The following CEP95 variants were observed in gnomAD, a reference collection of about 807,000 sequenced individuals.
The protein encoded by CEP95 is centrosomal protein 95.
Under a neutral mutation model 111.2 loss-of-function variants are expected in CEP95, and 98 were observed. The observed-to-expected ratio is 0.88, with a 90% CI of 0.75 to 1.04. The LOEUF is 1.04. Ranked by LOEUF, CEP95 falls within the 50% of genes least tolerant of loss-of-function variation. The pLI, the probability that CEP95 is intolerant of heterozygous loss-of-function variation, is 0.00. For missense variants in CEP95, 1,027 were observed against 977.2 expected (o/e 1.05, Z -0.68); for synonymous variants, 323 against 327.1 (o/e 0.99, Z 0.14).
intron 11 of CEP95, among the ~76,000 whole-genome samples, chr17:64,528,284 A>G (rs987362152): frequency 2.6e-5 from 4 of 152,016 alleles, no homozygotes; most frequent in African/African-American, 9.7e-5. Flanking sequence ...TTCTGATCCA[A>G]CTTCCTTAAC....
At position 64,510,224 on chromosome 17, in the gene CEP95, C is replaced by G. The variant is rs781985737; in HGVS notation, c.200C>G (p.Ala67Gly). Residue 67 changes from alanine (A) to glycine (G), a missense_variant, in exon 3 of 20, where the codon GCA becomes GGA. Ala to Gly is a moderately conservative substitution (Grantham distance 60). Transcript: ENST00000556440. ...GAAGATGATGCACACAATGTACAAG[C>G]AGTAATTGATTCACTGGCCTTGGAC... ...SQEDDAHNVQ[A>G]VIDSLALDYL... 6.2e-7 allele frequency: 1 copy of G among 1,611,956 alleles called. No individual in the cohort carries two copies. The highest frequency in any genetic ancestry group is 8.5e-7 in the Non-Finnish European group (1 of 1,178,902).
rs782687832 is a variant in CEP95, at chr17:64,537,714, G to A, written c.2401G>A (p.Ala801Thr). ...DDDVFFRELE[A>T]ERFRSRLQLA... is the part of the protein sequence containing the mutation. ...TGATGTTTTCTTCCGGGAACTGGAA[G>A]CTGAGCGCTTCAGATCTCGGCTTCA... The change falls in exon 20 of 20, where the codon GCT (alanine) becomes ACT (threonine). Residue 801 changes from alanine to threonine, a missense_variant. Coordinates refer to ENST00000556440, the MANE Select transcript of CEP95 (RefSeq NM_138363.3). 1 of 1,612,858 alleles carries A rather than the reference G, an allele frequency of 6.2e-7. No individual in the cohort carries two copies. Among genetic ancestry groups the A allele is most frequent in the South Asian group, 1.1e-5 (1 of 90,806 alleles).
At chr17:64,508,235 T>C in intron 1 of CEP95, 1 of 980,040 alleles carries the variant, frequency 1.0e-6, no homozygotes, top group East Asian at 1.1e-4. Flanking sequence ...CATTAAACTG[T>C]TGTTTATGAC....
intron 19 of CEP95, 131 bp from the exon 20 acceptor site, chr17:64,537,470 CTG>C: frequency 7.1e-7 from 1 of 1,408,718 alleles, no homozygotes; most frequent in East Asian, 2.5e-5. Context: ...AGTTAGGTCT[CTG>C]TAAGAGCTGC....
In CEP95 at chr17:64,508,603, A is replaced by C; in HGVS notation, c.31A>C (p.Ile11Leu). The C allele has an allele frequency of 7.1e-7, 1 of 1,411,306 alleles. No homozygotes were observed. The allele number at this position is 1,411,306 out of a possible 1,614,324, so 87.4% of individuals were successfully genotyped here. A position where few individuals can be genotyped will look rare whatever the true frequency, so the allele number is the denominator to read the frequency against. ...CTTTTTCCCAACAGAGTGGGTAACCATTGCCAATAACCTTCTTTTTAAGTG... is the reference window on the plus strand; with the variant it reads ...CTTTTTCCCAACAGAGTGGGTAACCCTTGCCAATAACCTTCTTTTTAAGTG... MAGSDAEWVT[I>L]ANNLLFKCHI... The change falls in exon 2 of 20, where the codon ATT becomes CTT. Residue 11 changes from isoleucine to leucine, a missense_variant. Physicochemically the swap from Ile to Leu is conservative, Grantham distance 5 (BLOSUM62 2). Coordinates refer to ENST00000556440, the MANE Select transcript of CEP95 (RefSeq NM_138363.3).
chr17:64,509,099 T>C (rs1339851907), intron 2 of CEP95, among the ~76,000 whole-genome samples: 4 of 152,092 alleles, frequency 2.6e-5, no homozygotes, highest in Non-Finnish European at 4.4e-5. Flanking sequence ...TAAAATTGAG[T>C]GGAGCTTGGG....
At chr17:64,512,228 A>G (rs769230096) in intron 3 of CEP95, among the ~76,000 whole-genome samples, 4 of 152,236 alleles carry the variant, frequency 2.6e-5, no homozygotes, top group Non-Finnish European at 5.9e-5. Context: ...AAGTATTTGC[A>G]GTTGTTTGCA....
intron 17 of CEP95, chr17:64,536,331 C>T (rs1310120362): frequency 1.4e-5 from 3 of 219,550 alleles, no homozygotes; most frequent in Admixed American, 5.8e-5. Context: ...TGCCTATAGT[C>T]CCAGCTATTT....
chr17:64,508,752 C>T (rs1312982175), intron 2 of CEP95, 32 bp downstream of exon 2: 5 of 1,298,584 alleles, frequency 3.9e-6, no homozygotes, highest in East Asian at 2.9e-5. Context: ...GTAATTTTGC[C>T]TATATCTTAG....
At chr17:64,537,507 G>A in intron 19 of CEP95, 96 bp from the exon 20 acceptor site, 1 of 1,449,990 alleles carries the variant, frequency 6.9e-7, no homozygotes, top group Non-Finnish European at 9.1e-7. Context: ...TGAAAATTTT[G>A]GAGGAGTTTG....
rs1253067309 is a variant in CEP95 at position 64,533,096 on chromosome 17, A to T, written c.1843-21A>T. On this transcript the variant is annotated intron_variant, in intron 15 of 19. Transcript: ENST00000556440. ...AGTGAACAGCATTATTAACCTACTTAACTTCATGTCCCCCTTCAAGATAGA... is the reference window on the plus strand; with the variant it reads ...AGTGAACAGCATTATTAACCTACTTTACTTCATGTCCCCCTTCAAGATAGA... 4.4e-6 allele frequency: 7 copies of T among 1,606,684 alleles called. No homozygotes were observed. In the Admixed American group the frequency reaches 1.0e-4, roughly 24 times the overall value.
At position 64,507,395 on chromosome 17, in the gene CEP95, G is replaced by T. The variant is rs1555673299; in HGVS notation, c.19+279G>T. ...TGTAAAAAGAGCGGTCAGAAGGGTCGTCCCCGGACTTGTCTTTCTGTGGGG... is the reference window on the plus strand; with the variant it reads ...TGTAAAAAGAGCGGTCAGAAGGGTCTTCCCCGGACTTGTCTTTCTGTGGGG... On this transcript the variant is annotated intron_variant, in intron 1 of 19. Transcript: ENST00000556440. 10 of 1,382,070 alleles carry T rather than the reference G, an allele frequency of 7.2e-6. No homozygotes were observed. In the African/African-American group the frequency reaches 1.2e-4, roughly 16 times the overall value. 85.6% of individuals were successfully genotyped at this position (1,382,070 alleles called of 1,614,324 possible).
At chr17:64,518,981 T>A (rs1967098008) in intron 5 of CEP95, among the ~76,000 whole-genome samples, 1 of 152,180 alleles carries the variant, frequency 6.6e-6, no homozygotes, top group Non-Finnish European at 1.5e-5. Context: ...ATGCCCGGCC[T>A]GATGAACTTC....
At position 64,537,749 on chromosome 17, in the gene CEP95, C is replaced by T. The variant is rs1968756157; in HGVS notation, c.2436C>T (p.Ser812=). The T allele has an allele frequency of 1.1e-5, 17 of 1,607,218 alleles. No homozygotes were observed. The highest frequency in any genetic ancestry group is 1.4e-5 in the Non-Finnish European group (17 of 1,176,822). Residue 812 remains serine (S), a synonymous_variant, in exon 20 of 20, where the codon TCC becomes TCT. Transcript: ENST00000556440. ...TCAGATCTCGGCTTCAGCTGGCTTC[C>T]TTTCAGTACAGTAAAAGTCCCTCCC... is the stretch of plus-strand genomic sequence containing the variant. ...ERFRSRLQLA[S]FQYSKSPSL
At chr17:64,519,752 C>T (rs1967168838) in intron 6 of CEP95, among the ~76,000 whole-genome samples, 1 of 152,052 alleles carries the variant, frequency 6.6e-6, no homozygotes, top group Non-Finnish European at 1.5e-5. Context: ...TTGTAGTTTC[C>T]TGAACTGGTG....
At position 64,510,364 on chromosome 17, in the gene CEP95, ATGAG is replaced by A. The variant is rs201254183; in HGVS notation, c.256+89_256+92del. ...CTGTAGACATTGTTTACTTAACCAA[ATGAG>A]TGAGCTTATGGAGTAGACCAAATTG... On this transcript the variant is annotated intron_variant, in intron 3 of 19. Transcript: ENST00000556440. 4,069 of 874,298 alleles carry A rather than the reference ATGAG, an allele frequency of 4.7e-3. 64 individuals are homozygous for A. Among genetic ancestry groups the A allele is most frequent in the Non-Finnish European group, 2.5e-3 (1,360 of 536,204 alleles). 54.2% of individuals were successfully genotyped at this position (874,298 alleles called of 1,614,324 possible).
intron 2 of CEP95, among the ~76,000 whole-genome samples, chr17:64,509,267 T>C (rs1555674038): frequency 6.6e-6 from 1 of 152,190 alleles, no homozygotes; most frequent in Admixed American, 6.5e-5. Context: ...CAACTCAGCT[T>C]AAGTGATCCT....
chr17:64,513,391 C>T (rs782291169), intron 3 of CEP95, among the ~76,000 whole-genome samples: 3 of 152,104 alleles, frequency 2.0e-5, no homozygotes, highest in Non-Finnish European at 4.4e-5. Context: ...GATTTGGAGT[C>T]CATTTCAGGT....
intron 1 of CEP95, chr17:64,507,676 C>G (rs1245068894): frequency 1.1e-5 from 11 of 987,304 alleles, no homozygotes; most frequent in Non-Finnish European, 1.3e-5. Context: ...TTCACAAGGA[C>G]TGCGTACAAA....
Sources: allele counts gnomAD v4.1 joint callset (sites outside exome capture counted in the v4.1 genomes callset), GRCh38; gene constraint gnomAD v4.1.1; transcripts MANE v1.5; gene names NCBI Gene and HGNC (gene_info 2026-07-23, HGNC 2026-07-21).